Variants in CCSER1 observed in about 807,000 individuals in gnomAD.
CCSER1 encodes the protein coiled-coil serine rich protein 1.
A neutral mutation model predicts 82.0 loss-of-function variants in CCSER1; 41 were observed. The ratio of observed to expected loss-of-function variants is 0.50; its 90% CI spans 0.39 to 0.65. CCSER1 has a LOEUF of 0.65. Ranked by LOEUF, CCSER1 falls within the 30% of genes least tolerant of loss-of-function variation. The pLI is 0.00. For missense variants in CCSER1, 1,119 were observed against 1,064.2 expected, an observed-to-expected ratio of 1.05 and a Z score of -0.72; for synonymous variants, 414 against 383.9, an observed-to-expected ratio of 1.08 and a Z score of -0.92.
chr4:90,582,973 T>G (rs1344009391), intron 5 of CCSER1, among the ~76,000 whole-genome samples: 1 of 152,232 alleles, frequency 6.6e-6, no homozygotes, highest in African/African-American at 2.4e-5. Context: ...GAATCATTAC[T>G]AATACCATTT....
intron 1 of CCSER1, among the ~76,000 whole-genome samples, chr4:90,198,790 A>C (rs1737086813): frequency 6.6e-6 from 1 of 152,182 alleles, no homozygotes; most frequent in African/African-American, 2.4e-5. Context: ...GTGATGAAGA[A>C]TCAATAAAAA....
chr4:91,242,024 CAAAAG>C (rs1397413219), intron 10 of CCSER1, among the ~76,000 whole-genome samples: 1 of 150,216 alleles, frequency 6.7e-6, no homozygotes, highest in Non-Finnish European at 1.5e-5. Flanking sequence ...TGGTAAATGA[CAAAAG>C]AAAAACAACA....
chr4:90,491,122 T>A (rs965806055), intron 5 of CCSER1, among the ~76,000 whole-genome samples: 2 of 152,068 alleles, frequency 1.3e-5, no homozygotes, highest in African/African-American at 4.8e-5. Flanking sequence ...AGTATGGCCA[T>A]TTTCACGATA....
chr4:91,153,480 TGTTATTACC>T, intron 10 of CCSER1, among the ~76,000 whole-genome samples: 1 of 151,956 alleles, frequency 6.6e-6, no homozygotes, highest in Admixed American at 6.6e-5. Flanking sequence ...TAGAGAAGTT[TGTTATTACC>T]GATCTTCTGA....
intron 4 of CCSER1, among the ~76,000 whole-genome samples, chr4:90,442,669 A>G (rs1478789459): frequency 1.3e-5 from 2 of 152,198 alleles, no homozygotes; most frequent in Admixed American, 6.5e-5. Flanking sequence ...CGATGTGCTG[A>G]TAAGTGAGCC....
intron 10 of CCSER1, among the ~76,000 whole-genome samples, chr4:91,221,213 A>G (rs762499186): frequency 3.9e-5 from 6 of 152,070 alleles, no homozygotes; most frequent in African/African-American, 7.2e-5. Flanking sequence ...TATTTTTTCT[A>G]TCATAACATA....
At chr4:91,394,961 A>G (rs971140457) in intron 10 of CCSER1, among the ~76,000 whole-genome samples, 1 of 152,106 alleles carries the variant, frequency 6.6e-6, no homozygotes, top group African/African-American at 2.4e-5. Flanking sequence ...TTTAAATTCA[A>G]TAGAACTATT....
chr4:90,851,406 A>G (rs902699166), intron 8 of CCSER1, among the ~76,000 whole-genome samples: 1 of 125,722 alleles, frequency 8.0e-6, no homozygotes, highest in African/African-American at 3.1e-5. Context: ...CCTTTCCTAC[A>G]CTTTGCCAAT....
chr4:91,488,365 A>G lies in CCSER1; in HGVS notation c.2218-110207A>G, dbSNP rs1758335262. On this transcript the variant is annotated intron_variant, in intron 10 of 10. Coordinates refer to ENST00000509176, the MANE Select transcript of CCSER1 (RefSeq NM_001145065.2). ...GCCAATCCAACTACCAAATAATGAT[A>G]GAAATTCATTAATTCAATAAACATT... Among the ~76,000 whole-genome samples, 4 of 152,234 alleles carry G rather than the reference A, an allele frequency of 2.6e-5. 1 individual carries two copies. The South Asian group carries it at 8.3e-4, about 31-fold the overall frequency.
intron 5 of CCSER1, among the ~76,000 whole-genome samples, chr4:90,489,551 A>G (rs1209122376): frequency 6.6e-6 from 1 of 152,140 alleles, no homozygotes; most frequent in Non-Finnish European, 1.5e-5. Context: ...TTCAAGTGCT[A>G]GGGTACATGT....
chr4:91,018,251 C>T (rs1412509611), intron 9 of CCSER1, among the ~76,000 whole-genome samples: 1 of 152,108 alleles, frequency 6.6e-6, no homozygotes, highest in Non-Finnish European at 1.5e-5. Context: ...CAAAACTACA[C>T]TTTCTCTAGT....
At chr4:91,082,786 T>G (rs2148807589) in intron 9 of CCSER1, among the ~76,000 whole-genome samples, 1 of 152,260 alleles carries the variant, frequency 6.6e-6, no homozygotes, top group East Asian at 1.9e-4. Flanking sequence ...AAGACATTTA[T>G]GCAGCCAAAA....
intron 9 of CCSER1, among the ~76,000 whole-genome samples, chr4:91,082,410 C>G (rs981088551): frequency 2.6e-5 from 4 of 152,164 alleles, no homozygotes; most frequent in Non-Finnish European, 5.9e-5. Context: ...AAAATTAATT[C>G]AAGATGGATT....
chr4:90,871,031 C>T (rs1374330701), intron 8 of CCSER1, among the ~76,000 whole-genome samples: 3 of 150,240 alleles, frequency 2.0e-5, no homozygotes, highest in African/African-American at 7.3e-5. Context: ...TGTAATGTCT[C>T]CTTTTTTTTG....
At chr4:90,694,199 A>G (rs1204014583) in intron 6 of CCSER1, among the ~76,000 whole-genome samples, 1 of 151,998 alleles carries the variant, frequency 6.6e-6, no homozygotes, top group Non-Finnish European at 1.5e-5. Context: ...ATCCTTATTT[A>G]GTGAAAATGT....
intron 9 of CCSER1, among the ~76,000 whole-genome samples, chr4:90,945,726 C>G (rs529662251): frequency 4.6e-5 from 7 of 152,306 alleles, no homozygotes; most frequent in African/African-American, 1.7e-4. Context: ...AACCAAGTTC[C>G]ATATGCTTCT....
At chr4:90,728,918 C>G (rs768109552) in intron 7 of CCSER1, among the ~76,000 whole-genome samples, 2 of 152,036 alleles carry the variant, frequency 1.3e-5, no homozygotes, top group Non-Finnish European at 2.9e-5. Flanking sequence ...TCTATAATGA[C>G]CACTTATTTC....
chr4:91,110,536 G>A (rs1326576549), intron 10 of CCSER1, among the ~76,000 whole-genome samples: 1 of 151,886 alleles, frequency 6.6e-6, no homozygotes, highest in African/African-American at 2.4e-5. Context: ...GCCTATTCAC[G>A]GAGAAACTTC....
intron 8 of CCSER1, among the ~76,000 whole-genome samples, chr4:90,844,212 A>G (rs1762923764): frequency 6.6e-6 from 1 of 151,898 alleles, no homozygotes; most frequent in Non-Finnish European, 1.5e-5. Context: ...ATATATATAT[A>G]TATGTATAGA....
Sources: allele counts gnomAD v4.1 joint callset (sites outside exome capture counted in the v4.1 genomes callset), GRCh38; gene constraint gnomAD v4.1.1; transcripts MANE v1.5; gene names NCBI Gene and HGNC (gene_info 2026-07-23, HGNC 2026-07-21).